The following TONSL variants were observed in gnomAD, a reference collection of about 807,000 sequenced individuals.
TONSL encodes tonsoku like, DNA repair protein.
In TONSL, 112 loss-of-function variants were observed where a neutral mutation model predicts 147.1. That is an observed-to-expected ratio of 0.76 (90% CI 0.65 to 0.89). The LOEUF is 0.89. TONSL is among the 40% of genes least tolerant of loss of function. The pLI is 0.00. For missense variants in TONSL, 1,883 were observed against 1,864.6 expected (o/e 1.01, Z -0.18); for synonymous variants, 868 against 801.5 (o/e 1.08, Z -1.40).
intron 9 of TONSL, 94 bp from the exon 10 acceptor site, chr8:144,440,570 G>C: frequency 1.3e-6 from 2 of 1,522,846 alleles, no homozygotes; most frequent in Admixed American, 4.0e-5. Context: ...CGAAATGGGA[G>C]CCCGGCCTCC....
intron 18 of TONSL, 64 bp from the exon 19 acceptor site, chr8:144,435,234 G>A (rs1168873214): frequency 9.7e-6 from 14 of 1,436,468 alleles, no homozygotes; most frequent in South Asian, 2.9e-5. Flanking sequence ...CCAGGGACCC[G>A]CCATCCCTGC....
At chr8:144,440,589 G>A (rs1285148826) in intron 9 of TONSL, 113 bp from the exon 10 acceptor site, 18 of 1,521,094 alleles carry the variant, frequency 1.2e-5, no homozygotes, top group African/African-American at 6.9e-5. Flanking sequence ...CCCAGCTGCC[G>A]AGGGTGGATG....
In TONSL at chr8:144,429,333, C is replaced by A; in HGVS notation, c.3947G>T (p.Cys1316Phe). Residue 1316 changes from cysteine (C) to phenylalanine (F), a missense_variant, in exon 26 of 26, where the codon TGC becomes TTC. Physicochemically the swap from Cys to Phe is radical, Grantham distance 205. Transcript: ENST00000409379. ...QGLSFLGLSG[C>F]AVQGPLGLGL... ...CAGGCCCAGGGGACCCTGGACGGCG[C>A]AGCCTGCGGAGGGGAAGAGGGCAGA... The A allele has an allele frequency of 6.9e-7, 1 of 1,440,350 alleles. No homozygotes were observed. The highest frequency in any genetic ancestry group is 9.1e-7 in the Non-Finnish European group (1 of 1,093,700). The allele number at this position is 1,440,350 out of a possible 1,614,324, so 89.2% of individuals were successfully genotyped here.
At chr8:144,440,624 A>G in intron 9 of TONSL, 94 bp downstream of exon 9, 2 of 1,537,954 alleles carry the variant, frequency 1.3e-6, no homozygotes, top group Non-Finnish European at 1.8e-6. Flanking sequence ...CTGCCCGTCC[A>G]GTAAGGACAC....
In TONSL at chr8:144,433,881, G is replaced by A. The variant is rs1488833707; in HGVS notation, c.3387+97C>T. On this transcript the variant is annotated intron_variant, in intron 21 of 25. Transcript: ENST00000409379. ...GCATAGCCTATTACAGCCGGGCACTGGCTGGCTCTCCCAACTACCCTAGAC... is the reference window on the plus strand; with the variant it reads ...GCATAGCCTATTACAGCCGGGCACTAGCTGGCTCTCCCAACTACCCTAGAC... 5.5e-6 allele frequency: 8 copies of A among 1,466,686 alleles called. No individual in the cohort carries two copies. The Admixed American group carries it at 2.1e-4, about 39-fold the overall frequency. 90.9% of individuals were successfully genotyped at this position (1,466,686 alleles called of 1,614,324 possible).
At chr8:144,441,378 G>C in intron 7 of TONSL, 1 of 432,916 alleles carries the variant, frequency 2.3e-6, no homozygotes, top group Admixed American at 3.6e-5. Context: ...AGATCATGAG[G>C]TCAGGAGATC....
chr8:144,432,304 A>T lies in TONSL; in HGVS notation c.3716T>A (p.Val1239Glu). Residue 1239 changes from valine to glutamate, a missense_variant, in exon 23 of 26, where the codon GTA becomes GAA. Transcript: ENST00000409379. ...GKGDSDLMEPVFRYLAKEGCA... is the reference protein window; with the variant it reads ...GKGDSDLMEPEFRYLAKEGCA... ...TCGTACCTTGGCCAGGTATCGGAAT[A>T]CAGGCTCCATGAGGTCCGAATCACC... 6.2e-7 allele frequency: 1 copy of T among 1,613,750 alleles called. No individual in the cohort carries two copies. The highest frequency in any genetic ancestry group is 8.5e-7 in the Non-Finnish European group (1 of 1,179,914).
chr8:144,440,390 C>T lies in TONSL; in HGVS notation c.1251G>A (p.Ala417=), dbSNP rs767188043. Residue 417 remains alanine, a synonymous_variant, in exon 10 of 26, where the codon GCG becomes GCA. Transcript: ENST00000409379. The part of the protein sequence containing the change: ...YELLAPCFQK[A]LSCAQQAQRP... ...GCTGGGCCTGCTGGGCACAGCTGAG[C>T]GCTTTCTGGAAGCACGGGGCCAGCA... is the stretch of plus-strand genomic sequence containing the variant. 1.2e-5 allele frequency: 19 copies of T among 1,607,238 alleles called. No individual in the cohort carries two copies. Among genetic ancestry groups the T allele is most frequent in the East Asian group, 1.1e-4 (5 of 44,698 alleles).
intron 7 of TONSL, chr8:144,441,319 A>T: frequency 1.5e-6 from 1 of 671,608 alleles, no homozygotes; most frequent in Non-Finnish European, 2.4e-6. Context: ...GGGGCCAGGT[A>T]CAGTGGCTCA....
Position 144,434,840 on chromosome 8 carries a change from T to G in TONSL, c.3056A>C (p.Tyr1019Ser). 1.2e-6 allele frequency: 2 copies of G among 1,613,484 alleles called. No individual in the cohort carries two copies. Among genetic ancestry groups the G allele is most frequent in the Non-Finnish European group, 1.7e-6 (2 of 1,179,946 alleles). Residue 1019 changes from tyrosine to serine, a missense_variant, in exon 20 of 26, where the codon TAC becomes TCC. By Grantham distance (144) the Tyr-to-Ser change is moderately radical. Coordinates refer to ENST00000409379, the MANE Select transcript of TONSL (RefSeq NM_013432.5). The part of the protein sequence containing the change: ...SWDLPPLTDR[Y>S]RRACQSLGQG... ...CCCCAGGCTCTGGCAGGCCCTGCGG[T>G]AGCGGTCAGTCAACGGGGGCAGGTC...
chr8:144,429,057 G>C lies in TONSL; in HGVS notation c.*86C>G. 2 of 1,391,410 alleles carry C rather than the reference G, an allele frequency of 1.4e-6. No homozygotes were observed. The highest frequency in any genetic ancestry group is 1.9e-6 in the Non-Finnish European group (2 of 1,063,834). 86.2% of individuals were successfully genotyped at this position (1,391,410 alleles called of 1,614,324 possible). ...GCCCGCCTGGGCCTCCCAAAGTGTT[G>C]GGATTACAGGCGTGAGCCACCGCGC... On this transcript the variant is annotated 3_prime_UTR_variant, in exon 26 of 26. Transcript: ENST00000409379.
At position 144,434,662 on chromosome 8, in the gene TONSL, C is replaced by T. The variant is rs917722703; in HGVS notation, c.3085+149G>A. The T allele has an allele frequency of 7.3e-6, 6 of 818,230 alleles. No homozygotes were observed. The South Asian group carries it at 7.4e-5, about 10-fold the overall frequency. The allele number at this position is 818,230 out of a possible 1,614,324, so 50.7% of individuals were successfully genotyped here. On this transcript the variant is annotated intron_variant, in intron 20 of 25. Coordinates refer to ENST00000409379, the MANE Select transcript of TONSL (RefSeq NM_013432.5). ...GGCTGTCCTCTCCCTTCCACCCACA[C>T]ATCCAAGTGCAGGACACAGCACCCA...
At position 144,430,520 on chromosome 8, in the gene TONSL, G is replaced by A. The variant is rs4925856; in HGVS notation, c.3827C>T (p.Pro1276Leu). Residue 1276 changes from proline (P) to leucine (L), a missense_variant, in exon 25 of 26, where the codon CCC becomes CTC. Pro to Leu is a moderately conservative substitution (Grantham distance 98). Coordinates refer to ENST00000409379, the MANE Select transcript of TONSL (RefSeq NM_013432.5). The part of the protein sequence containing the change: ...RDLCRCLSLC[P>L]SLISLDLSAN... Reference sequence around the variant, plus strand: ...AGACAGATCCAGTGAGATGAGTGAGGGGCACAGAGAGAGACATCTGAGATA... The same window carrying A: ...AGACAGATCCAGTGAGATGAGTGAGAGGCACAGAGAGAGACATCTGAGATA... The A allele has an allele frequency of 2.2e-3, 3,521 of 1,612,244 alleles. 112 individuals are homozygous for A. In the Admixed American group the frequency reaches 0.056, roughly 26 times the overall value.
rs1232479076 is a variant in TONSL at position 144,442,741 on chromosome 8, AG to A, written c.513del (p.Phe172LeufsTer64). 1 of 1,613,058 alleles carries A rather than the reference AG, an allele frequency of 6.2e-7. No individual in the cohort carries two copies. ...AGGGCTGTCTGCTGCAGGCTCTCAA[AG>A]GTGAGGCCCAGGTTGAGATAGAGGC... ...RTRLYLNLGL[T>X]FESLQQTALC... On this transcript the variant is annotated frameshift_variant, in exon 5 of 26. Transcript: ENST00000409379. LOFTEE classifies it high-confidence loss of function.
At position 144,443,954 on chromosome 8, in the gene TONSL, C is replaced by A. The variant is rs1478830263; in HGVS notation, c.192G>T (p.Leu64=). ...TCTTGCGGTGGGCCACGGCACAGCC[C>A]AGAGGGTCGTCAGCGCGCTCCCGAA... ...LQLRERADDP[L]GCAVAHRKIG... Residue 64 remains leucine, a synonymous_variant, in exon 3 of 26, where the codon CTG becomes CTT. Transcript: ENST00000409379. The A allele has an allele frequency of 6.5e-7, 1 of 1,543,030 alleles. No homozygotes were observed. Among genetic ancestry groups the A allele is most frequent in the African/African-American group, 1.4e-5 (1 of 73,054 alleles).
In TONSL at chr8:144,434,899, A is replaced by G; in HGVS notation, c.3007-10T>C. ...TCACCTCAGCCAACACCTGGAAGGC[A>G]CCGTCATGAGCCACCTGGGGGCTCC... On this transcript the variant is annotated splice_polypyrimidine_tract_variant and intron_variant, in intron 19 of 25. Transcript: ENST00000409379. The G allele has an allele frequency of 6.2e-7, 1 of 1,613,204 alleles. No homozygotes were observed. The highest frequency in any genetic ancestry group is 8.5e-7 in the Non-Finnish European group (1 of 1,179,904).
In TONSL at chr8:144,435,065, C is replaced by A; in HGVS notation, c.2958G>T (p.Leu986=). ...PRLTLRKEGA[L]LAPQDLIPDV... is the part of the protein sequence containing the mutation. ...CAGGGATGAGGTCCTGTGGGGCCAG[C>A]AGGGCCCCCTCTTTCCGTAGGGTGA... is the stretch of plus-strand genomic sequence containing the variant. Residue 986 remains leucine (L), a synonymous_variant, in exon 19 of 26, where the codon CTG becomes CTT. Transcript: ENST00000409379. 6.2e-7 allele frequency: 1 copy of A among 1,611,374 alleles called. No individual in the cohort carries two copies. The highest frequency in any genetic ancestry group is 8.5e-7 in the Non-Finnish European group (1 of 1,179,224).
At chr8:144,433,520 C>G (rs1328854924) in intron 22 of TONSL, 68 bp downstream of exon 22, 1 of 1,524,802 alleles carries the variant, frequency 6.6e-7, no homozygotes, top group African/African-American at 1.4e-5. Context: ...TGGGCCCCCT[C>G]TGAAAGTCCT....
rs1170557684 is a variant in TONSL, at chr8:144,443,973, T to A, written c.173A>T (p.Glu58Val). The part of the protein sequence containing the change: ...EQHWQELQLR[E>V]RADDPLGCAV... ...ACAGCCCAGAGGGTCGTCAGCGCGCTCCCGAAGCTGCAGCTCCTGCCAGTG... is the reference window on the plus strand; with the variant it reads ...ACAGCCCAGAGGGTCGTCAGCGCGCACCCGAAGCTGCAGCTCCTGCCAGTG... The change falls in exon 3 of 26, where the codon GAG (glutamate) becomes GTG (valine). Residue 58 changes from glutamate (E) to valine (V), a missense_variant. Glu to Val is a moderately radical substitution (Grantham distance 121, BLOSUM62 -2). Transcript: ENST00000409379. The A allele has an allele frequency of 5.2e-6, 8 of 1,540,982 alleles. No homozygotes were observed. The African/African-American group carries it at 9.6e-5, about 18-fold the overall frequency.
Sources: gnomAD v4.1 joint callset for allele counts on GRCh38, gnomAD v4.1.1 for gene constraint, MANE v1.5 for transcripts, NCBI Gene and HGNC (gene_info 2026-07-23, HGNC 2026-07-21) for gene names.